FILIP1: variants seen among roughly 807,000 people sequenced by gnomAD.
FILIP1 encodes the protein filamin A interacting protein 1.
In FILIP1, 61 loss-of-function variants were observed where a neutral mutation model predicts 102.1. The ratio of observed to expected loss-of-function variants is 0.60; its 90% CI spans 0.49 to 0.74. The LOEUF (loss-of-function observed/expected upper bound fraction) is 0.74, where lower values mean the gene tolerates loss of function less well. Among genes scored for constraint, FILIP1 ranks in the 30% least tolerant of loss-of-function variants. The probability of loss-of-function intolerance (pLI) is 0.00; values close to 1 mark genes in which losing one functional copy is unlikely to be tolerated. For missense variants in FILIP1, 1,314 were observed against 1,441.2 expected, an observed-to-expected ratio of 0.91 and a Z score of 1.43; for synonymous variants, 491 against 526.9, an observed-to-expected ratio of 0.93 and a Z score of 0.93.
intron 4 of FILIP1, among the ~76,000 whole-genome samples, chr6:75,324,090 C>T (rs777747657): frequency 3.9e-5 from 6 of 152,090 alleles, no homozygotes; most frequent in Admixed American, 6.5e-5. Context: ...TGGACTAATA[C>T]AGGAAGTCAA....
At chr6:75,375,510 T>C (rs1447119724) in intron 2 of FILIP1, among the ~76,000 whole-genome samples, 1 of 152,110 alleles carries the variant, frequency 6.6e-6, no homozygotes, top group East Asian at 1.9e-4. Context: ...CATGTGTGGG[T>C]CATTTTCTGG....
intron 4 of FILIP1, chr6:75,319,097 C>A: frequency 1.4e-6 from 1 of 725,554 alleles, no homozygotes; most frequent in South Asian, 1.4e-5. Context: ...TCCTCTTCAT[C>A]TTCCTCCTCT....
chr6:75,345,706 G>C (rs1774557945), intron 4 of FILIP1, among the ~76,000 whole-genome samples: 1 of 152,110 alleles, frequency 6.6e-6, no homozygotes. Flanking sequence ...ATCTGCTGTG[G>C]TCAGCCGTCT....
rs942977029 is a variant in FILIP1 at position 75,308,472 on chromosome 6, C to G, written c.*219G>C. 7.3e-7 allele frequency: 1 copy of G among 1,373,940 alleles called. No homozygotes were observed. Among genetic ancestry groups the G allele is most frequent in the Non-Finnish European group, 9.4e-7 (1 of 1,062,586 alleles). The allele number at this position is 1,373,940 out of a possible 1,614,324, so 85.1% of individuals were successfully genotyped here. A position where few individuals can be genotyped will look rare whatever the true frequency, so the allele number is the denominator to read the frequency against. On this transcript the variant is annotated 3_prime_UTR_variant, in exon 6 of 6. Transcript: ENST00000237172. ...CAAAACTGGAACTAGAAACCACGCC[C>G]TGGCTTCTAGGCAGCAAGCAATAGT...
chr6:75,310,076 T>C (rs1205457812), intron 5 of FILIP1, among the ~76,000 whole-genome samples: 1 of 152,258 alleles, frequency 6.6e-6, no homozygotes, highest in Admixed American at 6.5e-5. Flanking sequence ...TTTGCTTCCT[T>C]ATTTTCTGCC....
Position 75,482,026 on chromosome 6 carries a change from C to T in FILIP1, c.-7+11388G>A, listed in dbSNP as rs187726541. On this transcript the variant is annotated intron_variant, in intron 1 of 5. Coordinates refer to ENST00000237172, the MANE Select transcript of FILIP1 (RefSeq NM_015687.5). ...TCTCTCAAAAGGACAAAATTCTTCA[C>T]TTTCTGAAAAACCACAGGCCACTTT... Among the ~76,000 whole-genome samples, 342 of 152,278 alleles carry T rather than the reference C, an allele frequency of 2.2e-3. 3 individuals carry two copies. Among genetic ancestry groups the T allele is most frequent in the African/African-American group, 7.9e-3 (328 of 41,556 alleles).
At chr6:75,317,349 A>G (rs1773478387) in intron 4 of FILIP1, among the ~76,000 whole-genome samples, 1 of 152,252 alleles carries the variant, frequency 6.6e-6, no homozygotes, top group Admixed American at 6.5e-5. Context: ...TGGAACACTA[A>G]TACCAACCAT....
intron 2 of FILIP1, among the ~76,000 whole-genome samples, chr6:75,387,306 T>TG (rs956501680): frequency 1.3e-5 from 2 of 152,044 alleles, no homozygotes; most frequent in Admixed American, 6.6e-5. Context: ...TTGCTATTTT[T>TG]TTGGTTCCAT....
intron 1 of FILIP1, among the ~76,000 whole-genome samples, chr6:75,436,928 T>C (rs550377182): frequency 3.9e-5 from 6 of 152,342 alleles, no homozygotes; most frequent in Non-Finnish European, 5.9e-5. Flanking sequence ...ATGACATTAC[T>C]GAACGCAGAG....
intron 2 of FILIP1, chr6:75,366,076 G>C (rs573135954): frequency 2.0e-5 from 3 of 152,218 alleles, no homozygotes; most frequent in Non-Finnish European, 4.4e-5. Context: ...AGGTAAAACA[G>C]CCACTGAGCT....
At chr6:75,371,168 A>G (rs572582106) in intron 2 of FILIP1, among the ~76,000 whole-genome samples, 1 of 152,368 alleles carries the variant, frequency 6.6e-6, no homozygotes, top group East Asian at 1.9e-4. Flanking sequence ...ACTATGTACA[A>G]GAAGAACATT....
chr6:75,301,771 G>T (rs1052630476), intron 6 of FILIP1, among the ~76,000 whole-genome samples: 5 of 152,106 alleles, frequency 3.3e-5, no homozygotes, highest in Non-Finnish European at 5.9e-5. Flanking sequence ...TATGCCAAAG[G>T]TTACACAACC....
chr6:75,311,089 G>A (rs1773166767), intron 5 of FILIP1, among the ~76,000 whole-genome samples: 2 of 152,132 alleles, frequency 1.3e-5, no homozygotes, highest in Non-Finnish European at 2.9e-5. Context: ...CATCTAAACA[G>A]TACAAGCTCT....
chr6:75,396,657 G>A (rs767985409), intron 2 of FILIP1, among the ~76,000 whole-genome samples: 1 of 152,100 alleles, frequency 6.6e-6, no homozygotes, highest in Non-Finnish European at 1.5e-5. Flanking sequence ...ATGAGGCAGT[G>A]ATACTCAAGA....
chr6:75,476,317 C>G (rs1373711121), intron 1 of FILIP1, among the ~76,000 whole-genome samples: 1 of 151,086 alleles, frequency 6.6e-6, no homozygotes, highest in Non-Finnish European at 1.5e-5. Context: ...TTATTGGTAT[C>G]ATGATTCCTA....
intron 5 of FILIP1, among the ~76,000 whole-genome samples, chr6:75,310,774 C>A (rs1277655381): frequency 6.6e-6 from 1 of 152,160 alleles, no homozygotes; most frequent in African/African-American, 2.4e-5. Context: ...TCTATGTTAC[C>A]TAAAAAGCAG....
rs1773218858 is a variant in FILIP1 at position 75,312,309 on chromosome 6, G to A, written c.3435+88C>T. ...ATTCAGGTAGCATGAGAAGCATGTGGCTGGGTTTTACTGTGGGTGCTGGGT... is the reference window on the plus strand; with the variant it reads ...ATTCAGGTAGCATGAGAAGCATGTGACTGGGTTTTACTGTGGGTGCTGGGT... On this transcript the variant is annotated intron_variant, in intron 5 of 5. Transcript: ENST00000237172. 4 of 1,291,072 alleles carry A rather than the reference G, an allele frequency of 3.1e-6. No individual in the cohort carries two copies. The Admixed American group carries it at 8.6e-5, about 28-fold the overall frequency. The allele number at this position is 1,291,072 out of a possible 1,614,324, so 80.0% of individuals were successfully genotyped here. A position where few individuals can be genotyped will look rare whatever the true frequency, so the allele number is the denominator to read the frequency against.
chr6:75,329,366 G>T (rs149963779), intron 4 of FILIP1, among the ~76,000 whole-genome samples: 1 of 152,182 alleles, frequency 6.6e-6, no homozygotes, highest in African/African-American at 2.4e-5. Flanking sequence ...CAGAGCATCA[G>T]TTGTCTCTTT....
intron 1 of FILIP1, among the ~76,000 whole-genome samples, chr6:75,479,432 T>G (rs1779586747): frequency 6.6e-6 from 1 of 152,224 alleles, no homozygotes; most frequent in Non-Finnish European, 1.5e-5. Context: ...TTTGTCTTTG[T>G]CAATGTATTT....
Sources: gnomAD v4.1 joint callset for allele counts (sites outside exome capture counted in the v4.1 genomes callset) on GRCh38, gnomAD v4.1.1 for gene constraint, MANE v1.5 for transcripts, NCBI Gene and HGNC (gene_info 2026-07-23, HGNC 2026-07-21) for gene names.